Variants in ZXDA observed in about 807,000 individuals in gnomAD.
The protein encoded by ZXDA is zinc finger X-linked protein ZXDA.
In ZXDA, 5 loss-of-function variants were observed where a neutral mutation model predicts 10.1. The ratio of observed to expected loss-of-function variants is 0.50; its 90% CI spans 0.26 to 1.04. ZXDA has a LOEUF of 1.04. ZXDA is among the 50% of genes least tolerant of loss of function. ZXDA has a pLI of 0.14. For missense variants in ZXDA, 501 were observed against 672.4 expected (o/e 0.75, Z 2.82); for synonymous variants, 266 against 313.1 (o/e 0.85, Z 1.59).
rs2014403677 is a variant in ZXDA at position 57,909,754 on chromosome X, G to A, written c.667C>T (p.Leu223=). 2 of 1,194,819 alleles carry A rather than the reference G, an allele frequency of 1.7e-6. No individual in the cohort carries two copies. Among genetic ancestry groups the A allele is most frequent in the Admixed American group, 2.2e-5 (1 of 44,551 alleles). ...TCGGCTAGCAGGAGGTCGGACCGCA[G>A]CTCTGGGCAGTCACCCGGGTGCGCG... ...QAAHPGDCPE[L]RSDLLLAEPA... is the part of the protein sequence containing the mutation. The change falls in exon 1 of 1, where the codon CTG becomes TTG. Residue 223 remains leucine, a synonymous_variant. Coordinates refer to ENST00000358697, the MANE Select transcript of ZXDA (RefSeq NM_007156.5).
At position 57,907,900 on chromosome X, in the gene ZXDA, A is replaced by G. The variant is rs1257960252; in HGVS notation, c.*121T>C. The stretch of plus-strand genomic sequence containing the variant: ...ATTTAGATCTCCAAACTCATAGTCC[A>G]GGGCTGTGCTCTTTTTGCAAACCAA... On this transcript the variant is annotated 3_prime_UTR_variant, in exon 1 of 1. Coordinates refer to ENST00000358697, the MANE Select transcript of ZXDA (RefSeq NM_007156.5). 1 of 894,513 alleles carries G rather than the reference A, an allele frequency of 1.1e-6. No homozygotes were observed. Among genetic ancestry groups the G allele is most frequent in the Non-Finnish European group, 1.5e-6 (1 of 648,171 alleles). 73.7% of individuals were successfully genotyped at this position (894,513 alleles called of 1,213,427 possible).
chrX:57,907,995 C>T lies in ZXDA; in HGVS notation c.*26G>A. The T allele has an allele frequency of 7.6e-6, 9 of 1,179,121 alleles. No homozygotes were observed. The highest frequency in any genetic ancestry group is 1.0e-5 in the Non-Finnish European group (9 of 880,150). On this transcript the variant is annotated 3_prime_UTR_variant, in exon 1 of 1. Transcript: ENST00000358697. ...AATTGACTGTAATAAAAGTTAGCCA[C>T]ATGGCAAGGAATGAATAGAGTTGCT...
rs774132113 is a variant in ZXDA at position 57,908,570 on chromosome X, TGCA to T, written c.1848_1850del (p.Ala617del). ...AGTTCACCAATGCTGTGTCCAGCAA[TGCA>T]GCAGAAGTACTGTCAGGTACATCAG... On this transcript the variant is annotated inframe_deletion, in exon 1 of 1. Coordinates refer to ENST00000358697, the MANE Select transcript of ZXDA (RefSeq NM_007156.5). 4.3e-6 allele frequency: 5 copies of T among 1,170,670 alleles called. No individual in the cohort carries two copies. In the Admixed American group the frequency reaches 9.1e-5, roughly 21 times the overall value.
In ZXDA at chrX:57,907,812, T is replaced by A. The variant is rs2014375922; in HGVS notation, c.*209A>T. On this transcript the variant is annotated 3_prime_UTR_variant, in exon 1 of 1. Coordinates refer to ENST00000358697, the MANE Select transcript of ZXDA (RefSeq NM_007156.5). ...AATTTATAAATAAGGAAATTAAGGC[T>A]CAGATAGGTTAAGTGACTTGCTGAG... The A allele has an allele frequency of 2.5e-5, 10 of 407,393 alleles. No homozygotes were observed. In the South Asian group the frequency reaches 7.1e-4, roughly 29 times the overall value. 33.6% of individuals were successfully genotyped at this position (407,393 alleles called of 1,213,427 possible). A position where few individuals can be genotyped will look rare whatever the true frequency, so the allele number is the denominator to read the frequency against.
rs764974802 is a variant in ZXDA at position 57,910,128 on chromosome X, C to G, written c.293G>C (p.Gly98Ala). ...ACCGGAGCCCGCGGTCTCCACGTCG[C>G]CACCCACCGGGTCAAGCAGCACCAG... The part of the protein sequence containing the change: ...FFLVLLDPVG[G>A]DVETAGSGQA... The change falls in exon 1 of 1, where the codon GGC becomes GCC. Residue 98 changes from glycine (G) to alanine (A), a missense_variant. This residue lies in a region of ZXDA where 251 missense variants were observed against 221.6 expected (regional missense o/e 1.13). Coordinates refer to ENST00000358697, the MANE Select transcript of ZXDA (RefSeq NM_007156.5). 1 of 1,201,738 alleles carries G rather than the reference C, an allele frequency of 8.3e-7. No individual in the cohort carries two copies. Among genetic ancestry groups the G allele is most frequent in the Non-Finnish European group, 1.1e-6 (1 of 893,744 alleles).
At position 57,909,992 on chromosome X, in the gene ZXDA, C is replaced by G; in HGVS notation, c.429G>C (p.Leu143=). The G allele has an allele frequency of 1.9e-6, 2 of 1,073,236 alleles. No individual in the cohort carries two copies. Among genetic ancestry groups the G allele is most frequent in the Non-Finnish European group, 2.5e-6 (2 of 812,366 alleles). 88.4% of individuals were successfully genotyped at this position (1,073,236 alleles called of 1,213,427 possible). The change falls in exon 1 of 1, where the codon CTG becomes CTC. Residue 143 remains leucine (L), a synonymous_variant. Coordinates refer to ENST00000358697, the MANE Select transcript of ZXDA (RefSeq NM_007156.5). ...TCGGGGCCGGAGTGGGAACCGCGGACAGGCAGTGGGGGCCCTGCGCAGAGC... is the reference window on the plus strand; with the variant it reads ...TCGGGGCCGGAGTGGGAACCGCGGAGAGGCAGTGGGGGCCCTGCGCAGAGC... ...AGCSAQGPHC[L]SAVPTPAPIS...
Position 57,909,189 on chromosome X carries a change from C to T in ZXDA, c.1232G>A (p.Arg411His), listed in dbSNP as rs1327554609. ...CAGTTCCTGTTCCCTGAAATGGGCG[C>T]GGTTATGGGAAAACAGAGCACTCAC... ...ITVSALFSHN[R>H]AHFREQELFS... is the part of the protein sequence containing the mutation. Residue 411 changes from arginine (R) to histidine (H), a missense_variant, in exon 1 of 1, where the codon CGC becomes CAC. By Grantham distance (29) the Arg-to-His change is conservative. Transcript: ENST00000358697. The T allele has an allele frequency of 2.5e-6, 3 of 1,211,592 alleles. No homozygotes were observed. Among genetic ancestry groups the T allele is most frequent in the South Asian group, 3.5e-5 (2 of 56,967 alleles).
In ZXDA at chrX:57,909,210, C is replaced by G. The variant is rs967953842; in HGVS notation, c.1211G>C (p.Ser404Thr). The change falls in exon 1 of 1, where the codon AGT (serine) becomes ACT (threonine). Residue 404 changes from serine to threonine, a missense_variant. Transcript: ENST00000358697. ...SGCKKTFITV[S>T]ALFSHNRAHF... ...GGCGCGGTTATGGGAAAACAGAGCACTCACTGTGATAAATGTCTTCTTGCA... is the reference window on the plus strand; with the variant it reads ...GGCGCGGTTATGGGAAAACAGAGCAGTCACTGTGATAAATGTCTTCTTGCA... The G allele has an allele frequency of 1.7e-6, 2 of 1,211,938 alleles. No individual in the cohort carries two copies. The highest frequency in any genetic ancestry group is 2.2e-6 in the Non-Finnish European group (2 of 895,539).
Position 57,906,225 on chromosome X carries a change from G to A in ZXDA, c.*1796C>T, listed in dbSNP as rs937661219. Among the ~76,000 whole-genome samples, 1 of 112,208 alleles carries A rather than the reference G, an allele frequency of 8.9e-6. No homozygotes were observed. Among genetic ancestry groups the A allele is most frequent in the African/African-American group, 3.2e-5 (1 of 30,876 alleles). ...ATGTAAACAATACTGGGTTACAATAGTTGAAAGCAACTAATAGTGTTTGCT... is the reference window on the plus strand; with the variant it reads ...ATGTAAACAATACTGGGTTACAATAATTGAAAGCAACTAATAGTGTTTGCT... On this transcript the variant is annotated 3_prime_UTR_variant, in exon 1 of 1. Transcript: ENST00000358697.
rs1258180558 is a variant in ZXDA at position 57,906,734 on chromosome X, A to C, written c.*1287T>G. 3.6e-5 allele frequency: 4 copies of C among 111,196 alleles called. No homozygotes were observed. The highest frequency in any genetic ancestry group is 1.3e-4 in the African/African-American group (4 of 30,513). 9.2% of individuals were successfully genotyped at this position (111,196 alleles called of 1,213,427 possible). A position where few individuals can be genotyped will look rare whatever the true frequency, so the allele number is the denominator to read the frequency against. On this transcript the variant is annotated 3_prime_UTR_variant, in exon 1 of 1. Transcript: ENST00000358697. Reference sequence around the variant, plus strand: ...TTGTAATCTGAGCTAGGTAAATTTTAATATGAATTGTAGATCTGACTTTGC... The same window carrying C: ...TTGTAATCTGAGCTAGGTAAATTTTCATATGAATTGTAGATCTGACTTTGC...
rs2014387146 is a variant in ZXDA at position 57,908,682 on chromosome X, G to T, written c.1739C>A (p.Ala580Glu). The change falls in exon 1 of 1, where the codon GCA becomes GAA. Residue 580 changes from alanine to glutamate, a missense_variant. By Grantham distance (107) the Ala-to-Glu change is moderately radical. Transcript: ENST00000358697. ...VGQDLLAQLE[A>E]ANSLTPSSEL... ...ACTGCTGGGTGTAAGAGAATTTGCT[G>T]CTTCTAGCTGAGCTAAGAGATCCTG... 8.3e-7 allele frequency: 1 copy of T among 1,210,571 alleles called. No homozygotes were observed. The highest frequency in any genetic ancestry group is 1.1e-6 in the Non-Finnish European group (1 of 895,111).
In ZXDA at chrX:57,909,716, G is replaced by C. The variant is rs1357191125; in HGVS notation, c.705C>G (p.Pro235=). 8.5e-7 allele frequency: 1 copy of C among 1,182,068 alleles called. No individual in the cohort carries two copies. Among genetic ancestry groups the C allele is most frequent in the South Asian group, 1.9e-5 (1 of 53,705 alleles). The part of the protein sequence containing the change: ...SDLLLAEPAE[P]APAPAPQEEA... The stretch of plus-strand genomic sequence containing the variant: ...CCTCCTGGGGCGCCGGAGCAGGCGC[G>C]GGTTCTGCGGGCTCGGCTAGCAGGA... Residue 235 remains proline (P), a synonymous_variant, in exon 1 of 1, where the codon CCC becomes CCG. Coordinates refer to ENST00000358697, the MANE Select transcript of ZXDA (RefSeq NM_007156.5).
At position 57,909,796 on chromosome X, in the gene ZXDA, C is replaced by G. The variant is rs780173151; in HGVS notation, c.625G>C (p.Ala209Pro). The G allele has an allele frequency of 6.2e-5, 74 of 1,201,010 alleles. No individual in the cohort carries two copies. The highest frequency in any genetic ancestry group is 8.3e-5 in the Non-Finnish European group (74 of 891,461). ...QQPRCLIAPQAGFPQAAHPGD... is the reference protein window; with the variant it reads ...QQPRCLIAPQPGFPQAAHPGD... ...GGGTGCGCGGCTTGCGGGAACCCAG[C>G]TTGGGGGGCGATCAGACACCTGGGC... The change falls in exon 1 of 1, where the codon GCT becomes CCT. Residue 209 changes from alanine to proline, a missense_variant. Physicochemically the swap from Ala to Pro is conservative, Grantham distance 27 (BLOSUM62 -1). Around this residue, in one of 5 missense-constraint regions of ZXDA, gnomAD observed 251 missense variants for 221.6 expected, o/e 1.13. Transcript: ENST00000358697.
rs765130267 is a variant in ZXDA at position 57,909,673 on chromosome X, C to A, written c.748G>T (p.Ala250Ser). 1.3e-5 allele frequency: 15 copies of A among 1,178,011 alleles called. No individual in the cohort carries two copies. The East Asian group carries it at 4.7e-4, about 37-fold the overall frequency. ...AGCAGTCCGCGGGGGCCCAGGGCGGCGGCCAGGCCCTCCGCCTCCTCCTGG... is the reference window on the plus strand; with the variant it reads ...AGCAGTCCGCGGGGGCCCAGGGCGGAGGCCAGGCCCTCCGCCTCCTCCTGG... ...APQEEAEGLAAALGPRGLLGS... is the reference protein window; with the variant it reads ...APQEEAEGLASALGPRGLLGS... Residue 250 changes from alanine to serine, a missense_variant, in exon 1 of 1, where the codon GCC becomes TCC. Coordinates refer to ENST00000358697, the MANE Select transcript of ZXDA (RefSeq NM_007156.5).
chrX:57,909,686 C>G lies in ZXDA; in HGVS notation c.735G>C (p.Ala245=), dbSNP rs1187856407. The G allele has an allele frequency of 8.5e-7, 1 of 1,177,153 alleles. No homozygotes were observed. The highest frequency in any genetic ancestry group is 1.1e-6 in the Non-Finnish European group (1 of 879,108). ...GGCCCAGGGCGGCGGCCAGGCCCTC[C>G]GCCTCCTCCTGGGGCGCCGGAGCAG... is the stretch of plus-strand genomic sequence containing the variant. ...PAPAPAPQEE[A]EGLAAALGPR... Residue 245 remains alanine (A), a synonymous_variant, in exon 1 of 1, where the codon GCG becomes GCC. Transcript: ENST00000358697.
rs1321774791 is a variant in ZXDA, at chrX:57,910,346, G to T, written c.75C>A (p.Gly25=). The change falls in exon 1 of 1, where the codon GGC becomes GGA. Residue 25 remains glycine, a synonymous_variant. Coordinates refer to ENST00000358697, the MANE Select transcript of ZXDA (RefSeq NM_007156.5). ...AGTCAGGGCCTCGGTGGACTCGGCC[G>T]CCACCCGCGGGGATACCGCCGCCGC... ...GGGGGGIPAG[G]GRVHRGPDSP... 9.7e-7 allele frequency: 1 copy of T among 1,028,151 alleles called. No individual in the cohort carries two copies. Among genetic ancestry groups the T allele is most frequent in the Non-Finnish European group, 1.2e-6 (1 of 811,561 alleles). The allele number at this position is 1,028,151 out of a possible 1,213,427, so 84.7% of individuals were successfully genotyped here.
At position 57,909,975 on chromosome X, in the gene ZXDA, G is replaced by A. The variant is rs1217317442; in HGVS notation, c.446C>T (p.Pro149Leu). 8.8e-7 allele frequency: 1 copy of A among 1,139,488 alleles called. No homozygotes were observed. Among genetic ancestry groups the A allele is most frequent in the Non-Finnish European group, 1.2e-6 (1 of 862,492 alleles). 93.9% of individuals were successfully genotyped at this position (1,139,488 alleles called of 1,213,427 possible). The stretch of plus-strand genomic sequence containing the variant: ...GGGGCCGGGGGCGGAGATCGGGGCC[G>A]GAGTGGGAACCGCGGACAGGCAGTG... ...GPHCLSAVPT[P>L]APISAPGPAA... is the part of the protein sequence containing the mutation. The change falls in exon 1 of 1, where the codon CCG becomes CTG. Residue 149 changes from proline to leucine, a missense_variant. Coordinates refer to ENST00000358697, the MANE Select transcript of ZXDA (RefSeq NM_007156.5).
Position 57,908,248 on chromosome X carries a change from T to G in ZXDA, c.2173A>C (p.Lys725Gln). 1 of 1,210,950 alleles carries G rather than the reference T, an allele frequency of 8.3e-7. No homozygotes were observed. Among genetic ancestry groups the G allele is most frequent in the Non-Finnish European group, 1.1e-6 (1 of 895,363 alleles). ...AGAGTATCTGTGTCCACTGTTAGCT[T>G]ACTGCTGGGTGTCAAAGCCTGAGGC... is the stretch of plus-strand genomic sequence containing the variant. ...PEPQALTPSSKLTVDTDTLTP... is the reference protein window; with the variant it reads ...PEPQALTPSSQLTVDTDTLTP... The change falls in exon 1 of 1, where the codon AAG becomes CAG. Residue 725 changes from lysine to glutamine, a missense_variant. Lys to Gln is a moderately conservative substitution (Grantham distance 53). Coordinates refer to ENST00000358697, the MANE Select transcript of ZXDA (RefSeq NM_007156.5).
At position 57,908,803 on chromosome X, in the gene ZXDA, T is replaced by G. The variant is rs1569185364; in HGVS notation, c.1618A>C (p.Thr540Pro). 2 of 1,207,463 alleles carry G rather than the reference T, an allele frequency of 1.7e-6. No homozygotes were observed. The highest frequency in any genetic ancestry group is 2.2e-5 in the Admixed American group (1 of 45,700). ...HSKKHLQDVD[T>P]WKSRCPISSC... Reference sequence around the variant, plus strand: ...GAGATCGGGCAACGGCTTTTCCAAGTGTCCACATCCTGCAGGTGTTTCTTG... The same window carrying G: ...GAGATCGGGCAACGGCTTTTCCAAGGGTCCACATCCTGCAGGTGTTTCTTG... The change falls in exon 1 of 1, where the codon ACT becomes CCT. Residue 540 changes from threonine (T) to proline (P), a missense_variant. By Grantham distance (38) the Thr-to-Pro change is conservative. Coordinates refer to ENST00000358697, the MANE Select transcript of ZXDA (RefSeq NM_007156.5).
Sources: gnomAD v4.1 joint callset for allele counts (sites outside exome capture counted in the v4.1 genomes callset) on GRCh38, gnomAD v4.1.1 for gene constraint, gnomAD v4.1.1 regional missense constraint, MANE v1.5 for transcripts, NCBI Gene and HGNC (gene_info 2026-07-23, HGNC 2026-07-21) for gene names.